DDX23: variants seen among roughly 807,000 people sequenced by gnomAD.
DDX23 encodes probable ATP-dependent RNA helicase DDX23.
DDX23 carries 33 observed loss-of-function variants against 102.7 expected under a neutral mutation model. The ratio of observed to expected loss-of-function variants is 0.32; its 90% CI spans 0.24 to 0.43. The LOEUF (loss-of-function observed/expected upper bound fraction) is 0.43. DDX23 is among the 20% of genes least tolerant of loss of function. The probability of loss-of-function intolerance (pLI) is 1.00; values close to 1 mark genes in which losing one functional copy is unlikely to be tolerated. For synonymous variants in DDX23, 352 were observed against 376.0 expected (o/e 0.94, Z 0.74); for missense variants, 549 against 1,086.6 (o/e 0.51, Z 6.96).
At chr12:48,831,463 AAAG>A (rs747536179) in intron 15 of DDX23, 147 bp from the exon 16 acceptor site, 74 of 785,784 alleles carry the variant, frequency 9.4e-5, no homozygotes, top group South Asian at 1.1e-4. Context: ...GATTGCAGTG[AAAG>A]AAGGAGAGAA....
Position 48,837,535 on chromosome 12 carries a change from G to A in DDX23, c.742C>T (p.His248Tyr), listed in dbSNP as rs1368386635. The A allele has an allele frequency of 6.2e-7, 1 of 1,614,192 alleles. No homozygotes were observed. The highest frequency in any genetic ancestry group is 8.5e-7 in the Non-Finnish European group (1 of 1,180,030). ...REEKDKSKEL[H>Y]AIKERYLGGI... ...GCCAAGGCCTGCACCTTAATGGCATGCAGTTCCTTGCTCTTATCCTTCTCT... is the reference window on the plus strand; with the variant it reads ...GCCAAGGCCTGCACCTTAATGGCATACAGTTCCTTGCTCTTATCCTTCTCT... Residue 248 changes from histidine to tyrosine, a missense_variant, in exon 7 of 17, where the codon CAT (histidine) becomes TAT (tyrosine). Transcript: ENST00000308025.
At chr12:48,838,468 T>G (rs1938496808) in intron 5 of DDX23, among the ~76,000 whole-genome samples, 1 of 151,522 alleles carries the variant, frequency 6.6e-6, no homozygotes, top group Non-Finnish European at 1.5e-5. Context: ...GAAAATCATA[T>G]GAGCCCAGGA....
rs916037770 is a variant in DDX23 at position 48,830,280 on chromosome 12, C to T, written c.*189G>A. ...AATTTGCTCTCCCTGCCTCCGACAGCGTCGTCCTCTCCTTTTGCAGCCCCA... is the reference window on the plus strand; with the variant it reads ...AATTTGCTCTCCCTGCCTCCGACAGTGTCGTCCTCTCCTTTTGCAGCCCCA... On this transcript the variant is annotated 3_prime_UTR_variant, in exon 17 of 17. Transcript: ENST00000308025. The surrounding 1 kb of genome is among the most constrained non-coding windows in gnomAD (Gnocchi z 4.9). 9 of 740,154 alleles carry T rather than the reference C, an allele frequency of 1.2e-5. No homozygotes were observed. The highest frequency in any genetic ancestry group is 1.2e-4 in the African/African-American group (7 of 57,748). 45.8% of individuals were successfully genotyped at this position (740,154 alleles called of 1,614,324 possible). A position where few individuals can be genotyped will look rare whatever the true frequency, so the allele number is the denominator to read the frequency against.
chr12:48,842,539 AG>A, intron 3 of DDX23, among the ~76,000 whole-genome samples: 1 of 142,922 alleles, frequency 7.0e-6, no homozygotes, highest in South Asian at 2.2e-4. Flanking sequence ...CCCGTCCGGG[AG>A]GGAGGTGGGG....
intron 1 of DDX23, among the ~76,000 whole-genome samples, chr12:48,850,434 G>A (rs552808159): frequency 4.1e-4 from 62 of 152,312 alleles, no homozygotes; most frequent in African/African-American, 1.4e-3. Context: ...AATATCTGTG[G>A]AGATTCCCAG....
chr12:48,844,446 T>C (rs1938627828), intron 2 of DDX23, among the ~76,000 whole-genome samples: 1 of 151,924 alleles, frequency 6.6e-6, no homozygotes, highest in Non-Finnish European at 1.5e-5. Context: ...GCCTGGCTAA[T>C]TTTTGTATTT....
intron 12 of DDX23, 116 bp from the exon 13 acceptor site, chr12:48,833,635 C>T: frequency 7.5e-7 from 1 of 1,326,756 alleles, no homozygotes; most frequent in East Asian, 2.3e-5. Context: ...TGGACCCCAA[C>T]CTCTGGTTAT....
chr12:48,833,885 A>G (rs1592199851), intron 12 of DDX23, among the ~76,000 whole-genome samples: 1 of 152,186 alleles, frequency 6.6e-6, no homozygotes, highest in Non-Finnish European at 1.5e-5. Flanking sequence ...AAAAAATTGT[A>G]AAAAGACTAA....
Position 48,836,465 on chromosome 12 carries a change from C to T in DDX23, c.1236+104G>A. 1 of 1,293,608 alleles carries T rather than the reference C, an allele frequency of 7.7e-7. No individual in the cohort carries two copies. Among genetic ancestry groups the T allele is most frequent in the Non-Finnish European group, 1.1e-6 (1 of 917,520 alleles). 80.1% of individuals were successfully genotyped at this position (1,293,608 alleles called of 1,614,324 possible). ...AGTGACAGAAAAGGTCACATTGGTG[C>T]CCACTAGCAGCGATGGCTCCAAATA... On this transcript the variant is annotated intron_variant, in intron 10 of 16. Transcript: ENST00000308025. The surrounding 1 kb of genome is among the most constrained non-coding windows in gnomAD (Gnocchi z 6.1).
intron 11 of DDX23, among the ~76,000 whole-genome samples, chr12:48,834,952 A>G (rs542970612): frequency 2.0e-4 from 30 of 151,624 alleles, no homozygotes; most frequent in African/African-American, 6.8e-4. Context: ...AAAAATAAAA[A>G]TAAGTCCAGA....
Position 48,830,617 on chromosome 12 carries a change from T to C in DDX23, c.2315A>G (p.Asp772Gly). 6.2e-7 allele frequency: 1 copy of C among 1,613,686 alleles called. No homozygotes were observed. The highest frequency in any genetic ancestry group is 8.5e-7 in the Non-Finnish European group (1 of 1,179,880). ...CTTCAGCTCGTAGAACACAGCAGAG[T>C]CCTCTTTTGTGAGGAAGGTGATGGC... ...GVAITFLTKE[D>G]SAVFYELKQA... Residue 772 changes from aspartate to glycine, a missense_variant, in exon 17 of 17, where the codon GAC becomes GGC. Physicochemically the swap from Asp to Gly is moderately conservative, Grantham distance 94. This residue lies in a region of DDX23 where 38 missense variants were observed against 94.5 expected (regional missense o/e 0.40). Coordinates refer to ENST00000308025, the MANE Select transcript of DDX23 (RefSeq NM_004818.3). This position sits in a 1 kb window ranked among gnomAD's most constrained non-coding sequence, Gnocchi z 4.9.
At chr12:48,843,288 G>C (rs565338517) in intron 3 of DDX23, among the ~76,000 whole-genome samples, 98 of 148,228 alleles carry the variant, frequency 6.6e-4, no homozygotes, top group African/African-American at 2.4e-3. Flanking sequence ...ACCCAAGAAT[G>C]ATCAATTAAA....
At chr12:48,850,659 A>C (rs1938742048) in intron 1 of DDX23, among the ~76,000 whole-genome samples, 1 of 152,248 alleles carries the variant, frequency 6.6e-6, no homozygotes, top group African/African-American at 2.4e-5. Context: ...CCAGAGAAAA[A>C]GACTGAAAAG....
rs1417827002 is a variant in DDX23 at position 48,836,447 on chromosome 12, GA to G, written c.1236+121del. ...CCAACACTTCTACCAGAAAGTGACA[GA>G]AAAGGTCACATTGGTGCCCACTAGC... On this transcript the variant is annotated intron_variant, in intron 10 of 16. Coordinates refer to ENST00000308025, the MANE Select transcript of DDX23 (RefSeq NM_004818.3). This position sits in a 1 kb window ranked among gnomAD's most constrained non-coding sequence, Gnocchi z 6.1. The G allele has an allele frequency of 3.2e-6, 4 of 1,260,472 alleles. No homozygotes were observed. Among genetic ancestry groups the G allele is most frequent in the African/African-American group, 3.0e-5 (2 of 66,846 alleles). 78.1% of individuals were successfully genotyped at this position (1,260,472 alleles called of 1,614,324 possible). A position where few individuals can be genotyped will look rare whatever the true frequency, so the allele number is the denominator to read the frequency against.
At chr12:48,834,272 A>G (rs755665025) in intron 12 of DDX23, 48 bp downstream of exon 12, 33 of 1,557,346 alleles carry the variant, frequency 2.1e-5, no homozygotes, top group South Asian at 1.6e-4. Context: ...CAAAGCCCCA[A>G]GATAGCCTTC....
chr12:48,843,311 C>CA (rs1555171224), intron 3 of DDX23, among the ~76,000 whole-genome samples: 3,740 of 149,218 alleles, frequency 0.025, 160 homozygotes, highest in African/African-American at 0.086. Context: ...AAAAAAAACC[C>CA]AAAAAAAACA....
Position 48,844,066 on chromosome 12 carries a change from T to C in DDX23, c.210-16A>G. 6.2e-7 allele frequency: 1 copy of C among 1,613,394 alleles called. No individual in the cohort carries two copies. The highest frequency in any genetic ancestry group is 1.3e-5 in the African/African-American group (1 of 75,016). ...CCGTCGTTCTCTGGAAGACCGCAAA[T>C]TTAAGAGTTCACTTGGTATTTCCAA... On this transcript the variant is annotated splice_polypyrimidine_tract_variant and intron_variant, in intron 2 of 16. Coordinates refer to ENST00000308025, the MANE Select transcript of DDX23 (RefSeq NM_004818.3).
intron 1 of DDX23, among the ~76,000 whole-genome samples, chr12:48,850,306 T>G (rs948002903): frequency 3.3e-5 from 5 of 152,144 alleles, no homozygotes; most frequent in Non-Finnish European, 4.4e-5. Context: ...GCTCCTAAAT[T>G]TATAGTTTCA....
At chr12:48,842,653 C>T (rs1938584780) in intron 3 of DDX23, among the ~76,000 whole-genome samples, 2 of 148,840 alleles carry the variant, frequency 1.3e-5, no homozygotes, top group Non-Finnish European at 1.5e-5. Context: ...CCCGGCCAGC[C>T]GCCCCGTCCG....
Sources: allele counts gnomAD v4.1 joint callset (sites outside exome capture counted in the v4.1 genomes callset), GRCh38; gene constraint gnomAD v4.1.1; regional missense constraint gnomAD v4.1.1; non-coding constraint Gnocchi (gnomAD v3.1); transcripts MANE v1.5; gene names NCBI Gene and HGNC (gene_info 2026-07-23, HGNC 2026-07-21).